CSDE1: variants seen among roughly 807,000 people sequenced by gnomAD.
CSDE1 encodes the protein cold shock domain containing E1.
Under a neutral mutation model 89.3 loss-of-function variants are expected in CSDE1, and 17 were observed. The observed-to-expected ratio is 0.19, with a 90% confidence interval of 0.13 to 0.29. The LOEUF (loss-of-function observed/expected upper bound fraction) is 0.29. Ranked by LOEUF, CSDE1 falls within the 10% of genes least tolerant of loss-of-function variation. CSDE1 has a pLI of 1.00. For synonymous variants in CSDE1, 322 were observed against 332.8 expected, an observed-to-expected ratio of 0.97 and a Z score of 0.35; for missense variants, 672 against 984.2, an observed-to-expected ratio of 0.68 and a Z score of 4.24.
At position 114,717,369 on chromosome 1, in the gene CSDE1, G is replaced by C. The variant is rs1449908466; in HGVS notation, c.*800C>G. 6.6e-6 allele frequency: 1 copy of C among 152,428 alleles called. No individual in the cohort carries two copies. The highest frequency in any genetic ancestry group is 2.4e-5 in the African/African-American group (1 of 41,362). 9.4% of individuals were successfully genotyped at this position (152,428 alleles called of 1,614,324 possible). A position where few individuals can be genotyped will look rare whatever the true frequency, so the allele number is the denominator to read the frequency against. ...GAAACCGGGTCCTAGAAGCTGCAGT[G>C]ATCTAAGCAGCAGCAAGTTTGTGCA... On this transcript the variant is annotated 3_prime_UTR_variant, in exon 20 of 20. Transcript: ENST00000358528.
intron 3 of CSDE1, among the ~76,000 whole-genome samples, chr1:114,739,040 T>G (rs1043524545): frequency 3.3e-5 from 5 of 151,754 alleles, no homozygotes; most frequent in African/African-American, 1.2e-4. Context: ...AGGTGACTTT[T>G]TTTTTTTTTG....
In CSDE1 at chr1:114,732,828, G is replaced by A. The variant is rs754321627; in HGVS notation, c.838-12C>T. On this transcript the variant is annotated splice_polypyrimidine_tract_variant and intron_variant, in intron 9 of 19. Coordinates refer to ENST00000358528, the MANE Select transcript of CSDE1 (RefSeq NM_001007553.3). ...GGCAATGGGTCATTCTGATGAGAAGGAAAAACGATTTTAGCTGGAGATTTC... is the reference window on the plus strand; with the variant it reads ...GGCAATGGGTCATTCTGATGAGAAGAAAAAACGATTTTAGCTGGAGATTTC... The A allele has an allele frequency of 6.2e-7, 1 of 1,606,082 alleles. No homozygotes were observed. Among genetic ancestry groups the A allele is most frequent in the East Asian group, 2.2e-5 (1 of 44,826 alleles).
At chr1:114,735,036 TTC>T (rs1374389900) in intron 6 of CSDE1, among the ~76,000 whole-genome samples, 13 of 152,206 alleles carry the variant, frequency 8.5e-5, no homozygotes, top group Non-Finnish European at 1.3e-4. Flanking sequence ...CATTAATTAT[TTC>T]TGAGTAAACA....
At chr1:114,722,886 TAG>T (rs962345137) in intron 16 of CSDE1, among the ~76,000 whole-genome samples, 2 of 152,336 alleles carry the variant, frequency 1.3e-5, no homozygotes, top group Admixed American at 1.3e-4. Context: ...GGTAAAGGAA[TAG>T]GTTATCAAGG....
At chr1:114,722,626 G>A (rs1570894272) in intron 16 of CSDE1, among the ~76,000 whole-genome samples, 1 of 152,316 alleles carries the variant, frequency 6.6e-6, no homozygotes, top group East Asian at 1.9e-4. Flanking sequence ...TAAAACCCTT[G>A]CTTTGGACTA....
At position 114,720,787 on chromosome 1, in the gene CSDE1, TTA is replaced by T. The variant is rs1659474188; in HGVS notation, c.1874-72_1874-71del. ...TCCTCTGCTGATGACCCTAGGAAGT[TTA>T]TATAACTGCTAAAAATGTGTTATGT... On this transcript the variant is annotated intron_variant, in intron 16 of 19. Transcript: ENST00000358528. 3.0e-6 allele frequency: 4 copies of T among 1,337,132 alleles called. No individual in the cohort carries two copies. The Admixed American group carries it at 8.8e-5, about 29-fold the overall frequency. 82.8% of individuals were successfully genotyped at this position (1,337,132 alleles called of 1,614,324 possible).
chr1:114,717,970 T>C lies in CSDE1; in HGVS notation c.*199A>G. On this transcript the variant is annotated 3_prime_UTR_variant, in exon 20 of 20. Coordinates refer to ENST00000358528, the MANE Select transcript of CSDE1 (RefSeq NM_001007553.3). Reference sequence around the variant, plus strand: ...CTTAAGTTTTTCCAGGCTGCAACTGTGCATTATTTAAAATGGTTTTCTTAA... The same window carrying C: ...CTTAAGTTTTTCCAGGCTGCAACTGCGCATTATTTAAAATGGTTTTCTTAA... The C allele has an allele frequency of 1.8e-6, 1 of 570,574 alleles. No individual in the cohort carries two copies. The highest frequency in any genetic ancestry group is 2.7e-5 in the South Asian group (1 of 37,584). 35.3% of individuals were successfully genotyped at this position (570,574 alleles called of 1,614,324 possible). A position where few individuals can be genotyped will look rare whatever the true frequency, so the allele number is the denominator to read the frequency against.
chr1:114,720,093 A>G (rs776535317), intron 17 of CSDE1: 9 of 247,294 alleles, frequency 3.6e-5, no homozygotes, highest in Non-Finnish European at 5.4e-5. Flanking sequence ...ACAAAATGTT[A>G]TTATTCTCTG....
At position 114,730,800 on chromosome 1, in the gene CSDE1, A is replaced by G. The variant is rs1039058928; in HGVS notation, c.1051-152T>C. ...ATTTGAACTGTTCTCACTTAAGTAC[A>G]AACTCATTGCTTTCAACAAAGTAAC... On this transcript the variant is annotated intron_variant, in intron 10 of 19. Transcript: ENST00000358528. 72 of 915,902 alleles carry G rather than the reference A, an allele frequency of 7.9e-5. 1 individual carries two copies. In the East Asian group the frequency reaches 1.9e-3, roughly 24 times the overall value. The allele number at this position is 915,902 out of a possible 1,614,324, so 56.7% of individuals were successfully genotyped here.
chr1:114,718,051 C>T lies in CSDE1; in HGVS notation c.*118G>A. On this transcript the variant is annotated 3_prime_UTR_variant, in exon 20 of 20. Coordinates refer to ENST00000358528, the MANE Select transcript of CSDE1 (RefSeq NM_001007553.3). ...GAAGGTGTTAAAACTGGTGTAATAG[C>T]TCAATAGAATAAGTATTCCAGATTT... 7 of 984,376 alleles carry T rather than the reference C, an allele frequency of 7.1e-6. No homozygotes were observed. Among genetic ancestry groups the T allele is most frequent in the Non-Finnish European group, 1.1e-5 (7 of 625,118 alleles). The allele number at this position is 984,376 out of a possible 1,614,324, so 61.0% of individuals were successfully genotyped here. A position where few individuals can be genotyped will look rare whatever the true frequency, so the allele number is the denominator to read the frequency against.
At chr1:114,731,721 T>C (rs1450997296) in intron 10 of CSDE1, among the ~76,000 whole-genome samples, 1 of 152,254 alleles carries the variant, frequency 6.6e-6, no homozygotes, top group East Asian at 1.9e-4. Context: ...TTGACTCTGG[T>C]TTAATTGCAA....
chr1:114,734,589 G>A, intron 6 of CSDE1, 66 bp from the exon 7 acceptor site: 1 of 1,264,424 alleles, frequency 7.9e-7, no homozygotes, highest in Non-Finnish European at 1.1e-6. Flanking sequence ...GGCCTGCTTA[G>A]ATATGAGTCT....
intron 2 of CSDE1, chr1:114,741,472 G>C: frequency 4.1e-6 from 6 of 1,478,618 alleles, no homozygotes; most frequent in Non-Finnish European, 5.4e-6. Context: ...GCAATCCTAG[G>C]TCATGCTCTT....
intron 12 of CSDE1, among the ~76,000 whole-genome samples, chr1:114,729,075 C>A (rs980805883): frequency 2.0e-5 from 3 of 152,114 alleles, no homozygotes; most frequent in Non-Finnish European, 4.4e-5. Context: ...CAAAAGAAAT[C>A]TTTTCCTTGA....
rs144707101 is a variant in CSDE1, at chr1:114,738,047, C to T, written c.225G>A (p.Ser75=). ...VGDDVEFEVS[S]DRRTGKPIAV... is the part of the protein sequence containing the mutation. The stretch of plus-strand genomic sequence containing the variant: ...CAATGGGTTTCCCAGTCCGTCGGTC[C>T]GATGATACTTCAAATTCAACATCAT... Residue 75 remains serine, a synonymous_variant, in exon 4 of 20, where the codon TCG becomes TCA. Transcript: ENST00000358528. 882 of 1,613,626 alleles carry T rather than the reference C, an allele frequency of 5.5e-4. 6 individuals carry two copies. In the African/African-American group the frequency reaches 0.011, roughly 20 times the overall value.
chr1:114,727,577 G>A (rs1007567367), intron 12 of CSDE1: 1 of 152,252 alleles, frequency 6.6e-6, no homozygotes, highest in Non-Finnish European at 1.5e-5. Context: ...ATCTAGCACA[G>A]TTCAAGTACT....
At chr1:114,733,677 T>C in intron 9 of CSDE1, 55 bp downstream of exon 9, 2 of 1,496,822 alleles carry the variant, frequency 1.3e-6, no homozygotes, top group East Asian at 4.5e-5. Flanking sequence ...TACCACACCA[T>C]ATTATTCTAT....
chr1:114,737,693 G>A, intron 4 of CSDE1, 130 bp from the exon 5 acceptor site: 1 of 740,724 alleles, frequency 1.4e-6, no homozygotes, highest in East Asian at 2.7e-5. Flanking sequence ...ACAAGAGGAT[G>A]TCATGCTGCC....
At position 114,719,597 on chromosome 1, in the gene CSDE1, C is replaced by T. The variant is rs773889736; in HGVS notation, c.2198G>A (p.Cys733Tyr). 4.3e-6 allele frequency: 7 copies of T among 1,613,370 alleles called. No individual in the cohort carries two copies. The highest frequency in any genetic ancestry group is 1.3e-5 in the African/African-American group (1 of 75,010). Residue 733 changes from cysteine to tyrosine, a missense_variant, in exon 18 of 20, where the codon TGT (cysteine) becomes TAT (tyrosine). Transcript: ENST00000358528. ...LNQRTGKCSA[C>Y]NVWRVCEGPK... ...AACTCACCAGACTCGCCAAACATTA[C>T]AGGCGCTGCACTTGCCAGTGCGCTG...
Sources: gnomAD v4.1 joint callset for allele counts (sites outside exome capture counted in the v4.1 genomes callset) on GRCh38, gnomAD v4.1.1 for gene constraint, MANE v1.5 for transcripts, NCBI Gene and HGNC (gene_info 2026-07-23, HGNC 2026-07-21) for gene names.